Variants in PTER observed in about 807,000 individuals in gnomAD.
PTER encodes phosphotriesterase related, also known as N-acetyltaurine hydrolase.
A neutral mutation model predicts 29.6 loss-of-function variants in PTER; 38 were observed. The observed-to-expected ratio is 1.28, with a 90% CI of 0.99 to 1.68. The LOEUF (loss-of-function observed/expected upper bound fraction) is 1.68. Ranked by LOEUF, PTER falls within the 40% of genes most tolerant of loss-of-function variation. The probability of loss-of-function intolerance (pLI) is 0.00; values close to 1 mark genes in which losing one functional copy is unlikely to be tolerated. For synonymous variants in PTER, 172 were observed against 154.5 expected (o/e 1.11, Z -0.84); for missense variants, 482 against 427.8 (o/e 1.13, Z -1.12).
intron 3 of PTER, among the ~76,000 whole-genome samples, chr10:16,488,790 G>A (rs1835795094): frequency 1.3e-5 from 2 of 152,118 alleles, no homozygotes; most frequent in African/African-American, 4.8e-5. Flanking sequence ...TTTTTGTAGA[G>A]ATAGGTTCTT....
chr10:16,490,972 C>G (rs1317318858), intron 3 of PTER, among the ~76,000 whole-genome samples: 4 of 151,824 alleles, frequency 2.6e-5, no homozygotes, highest in African/African-American at 9.7e-5. Flanking sequence ...TATATATACA[C>G]ATATGTATAT....
chr10:16,447,879 C>T (rs190224648), intron 1 of PTER, among the ~76,000 whole-genome samples: 13 of 152,246 alleles, frequency 8.5e-5, no homozygotes, highest in African/African-American at 3.1e-4. Context: ...GGATTGGAGA[C>T]CATGGGCATT....
At chr10:16,462,273 A>C (rs1163675370) in intron 1 of PTER, among the ~76,000 whole-genome samples, 1 of 152,188 alleles carries the variant, frequency 6.6e-6, no homozygotes, top group African/African-American at 2.4e-5. Flanking sequence ...GGTGTGAGCC[A>C]CCACGCCCAG....
At chr10:16,458,751 C>G (rs1330212764) in intron 1 of PTER, among the ~76,000 whole-genome samples, 1 of 152,152 alleles carries the variant, frequency 6.6e-6, no homozygotes, top group African/African-American at 2.4e-5. Context: ...AGCTGCTTCT[C>G]CAGATTTGCT....
At chr10:16,464,144 C>G (rs1834724102) in intron 1 of PTER, among the ~76,000 whole-genome samples, 1 of 152,120 alleles carries the variant, frequency 6.6e-6, no homozygotes, top group African/African-American at 2.4e-5. Context: ...TCCATAATCT[C>G]TTGAAGGTAA....
At chr10:16,500,348 C>T (rs1332512686) in intron 3 of PTER, among the ~76,000 whole-genome samples, 1 of 152,072 alleles carries the variant, frequency 6.6e-6, no homozygotes, top group African/African-American at 2.4e-5. Flanking sequence ...CTCTTGGGCT[C>T]AAATGATCTT....
intron 1 of PTER, among the ~76,000 whole-genome samples, chr10:16,481,268 T>G (rs1047180977): frequency 6.6e-6 from 1 of 152,252 alleles, no homozygotes; most frequent in African/African-American, 2.4e-5. Context: ...CTGCTTTGTT[T>G]GTTGGTAACC....
At chr10:16,518,537 G>A (rs1237000884), downstream of PTER, among the ~76,000 whole-genome samples, 4 of 152,102 alleles carry the variant, frequency 2.6e-5, no homozygotes, top group Non-Finnish European at 5.9e-5. Flanking sequence ...AAAACAAAAC[G>A]CACATAGAAC....
chr10:16,508,374 CAT>C (rs1179620700), intron 4 of PTER, among the ~76,000 whole-genome samples: 5 of 152,028 alleles, frequency 3.3e-5, no homozygotes, highest in Non-Finnish European at 5.9e-5. Context: ...GGCCTCAACA[CAT>C]GTTTTCTAAA....
chr10:16,454,640 A>G (rs766236862), intron 1 of PTER, among the ~76,000 whole-genome samples: 1 of 151,790 alleles, frequency 6.6e-6, no homozygotes, highest in Non-Finnish European at 1.5e-5. Flanking sequence ...TGTGTTTCTA[A>G]TATACGTGAA....
At chr10:16,506,796 G>C (rs369406438) in intron 4 of PTER, among the ~76,000 whole-genome samples, 24 of 152,018 alleles carry the variant, frequency 1.6e-4, no homozygotes, top group African/African-American at 5.6e-4. Flanking sequence ...GGGCAGCACT[G>C]TGTAGAGCAG....
intron 1 of PTER, among the ~76,000 whole-genome samples, chr10:16,483,547 C>A (rs1438641811): frequency 2.0e-5 from 3 of 152,020 alleles, no homozygotes; most frequent in Non-Finnish European, 4.4e-5. Flanking sequence ...AGTGGAGGAA[C>A]AGTAGAAAGA....
intron 1 of PTER, among the ~76,000 whole-genome samples, chr10:16,460,987 G>T (rs1268954332): frequency 1.3e-5 from 2 of 152,128 alleles, no homozygotes; most frequent in Non-Finnish European, 2.9e-5. Flanking sequence ...AAAGTGCTGG[G>T]ATTATAGGCA....
chr10:16,497,526 G>T (rs1030533660), intron 3 of PTER, among the ~76,000 whole-genome samples: 4 of 152,130 alleles, frequency 2.6e-5, no homozygotes, highest in African/African-American at 9.7e-5. Context: ...GATAGTAGAT[G>T]TTCACTGAAT....
At chr10:16,495,851 CTTTA>C (rs999216900) in intron 3 of PTER, among the ~76,000 whole-genome samples, 1 of 152,206 alleles carries the variant, frequency 6.6e-6, no homozygotes, top group African/African-American at 2.4e-5. Flanking sequence ...GCTTTCCTTT[CTTTA>C]TTTGTGCAGT....
intron 3 of PTER, among the ~76,000 whole-genome samples, chr10:16,502,069 G>A (rs778166613): frequency 1.1e-4 from 17 of 152,192 alleles, no homozygotes; most frequent in Non-Finnish European, 7.3e-5. Flanking sequence ...CTAAGTATAT[G>A]CCTCGATATA....
intron 3 of PTER, among the ~76,000 whole-genome samples, chr10:16,497,656 C>A (rs1836164653): frequency 6.6e-6 from 1 of 152,218 alleles, no homozygotes; most frequent in African/African-American, 2.4e-5. Flanking sequence ...ACCCACGGAT[C>A]AAATTCTTTC....
intron 1 of PTER, among the ~76,000 whole-genome samples, chr10:16,438,920 C>CAA (rs71374688): frequency 0.48 from 48,091 of 100,820 alleles, 10,885 homozygotes; most frequent in Middle Eastern, 0.68. Context: ...GACTCTGTCT[C>CAA]AAAAAAAAAA....
intron 1 of PTER, among the ~76,000 whole-genome samples, chr10:16,463,717 A>G (rs1834708633): frequency 6.6e-6 from 1 of 152,162 alleles, no homozygotes; most frequent in Admixed American, 6.5e-5. Flanking sequence ...TGCCCGGCCA[A>G]CGCATATTTT....
Sources: allele counts gnomAD v4.1 joint callset (sites outside exome capture counted in the v4.1 genomes callset), GRCh38; gene constraint gnomAD v4.1.1; transcripts MANE v1.5; gene names NCBI Gene and HGNC (gene_info 2026-07-23, HGNC 2026-07-21).